The following CAB39 variants were observed in gnomAD, a reference collection of about 807,000 sequenced individuals.
CAB39 encodes the protein calcium binding protein 39.
Under a neutral mutation model 40.0 loss-of-function variants are expected in CAB39, and 8 were observed. The ratio of observed to expected loss-of-function variants is 0.20; its 90% confidence interval spans 0.12 to 0.36. The LOEUF (loss-of-function observed/expected upper bound fraction) is 0.36, where lower values mean the gene tolerates loss of function less well. CAB39 is among the 10% of genes least tolerant of loss of function. CAB39 has a pLI of 1.00. For synonymous variants in CAB39, 156 were observed against 141.6 expected, an observed-to-expected ratio of 1.10 and a Z score of -0.72; for missense variants, 270 against 401.1, an observed-to-expected ratio of 0.67 and a Z score of 2.79.
chr2:230,732,685 C>A (rs1464931634), intron 1 of CAB39, among the ~76,000 whole-genome samples: 1 of 152,030 alleles, frequency 6.6e-6, no homozygotes, highest in Non-Finnish European at 1.5e-5. Context: ...TAGATTCTTG[C>A]CGCTGGGGGA....
intron 2 of CAB39, among the ~76,000 whole-genome samples, chr2:230,787,477 A>G (rs1695813775): frequency 6.6e-6 from 1 of 152,238 alleles, no homozygotes; most frequent in South Asian, 2.1e-4. Context: ...ATGAGATTAA[A>G]TTAAATAGAA....
At chr2:230,724,346 G>A (rs537967098) in intron 1 of CAB39, among the ~76,000 whole-genome samples, 2 of 151,926 alleles carry the variant, frequency 1.3e-5, no homozygotes, top group East Asian at 3.9e-4. Flanking sequence ...CATAGCACAG[G>A]TATGTTTTAG....
chr2:230,782,813 C>CTTTTTTTTTTTTTTTTTTTTTTTTT (rs1212977897), intron 2 of CAB39, among the ~76,000 whole-genome samples: 3 of 81,764 alleles, frequency 3.7e-5, no homozygotes, highest in African/African-American at 1.9e-4. Flanking sequence ...TTCTTTCTTT[C>CTTTTTTTTTTTTTTTTTTTTTTTTT]TTTTTTTTTT....
At chr2:230,752,572 C>T (rs1490289593) in intron 1 of CAB39, among the ~76,000 whole-genome samples, 2 of 152,196 alleles carry the variant, frequency 1.3e-5, no homozygotes. Context: ...GCAGAGTCCT[C>T]ATGACCTAAA....
intron 2 of CAB39, among the ~76,000 whole-genome samples, chr2:230,777,013 T>C (rs1034077500): frequency 6.6e-6 from 1 of 152,150 alleles, no homozygotes; most frequent in Non-Finnish European, 1.5e-5. Context: ...AGTTTTACTT[T>C]ATTCTAACTA....
intron 2 of CAB39, among the ~76,000 whole-genome samples, chr2:230,767,705 A>C (rs916459277): frequency 2.0e-5 from 3 of 152,216 alleles, no homozygotes; most frequent in African/African-American, 7.2e-5. Context: ...AGAAGAATAA[A>C]TGCCAACTCC....
chr2:230,748,865 T>C (rs1276472080), intron 1 of CAB39, among the ~76,000 whole-genome samples: 1 of 117,676 alleles, frequency 8.5e-6, no homozygotes, highest in African/African-American at 3.0e-5. Context: ...TATATATATA[T>C]ATAACAAAAT....
intron 1 of CAB39, among the ~76,000 whole-genome samples, chr2:230,731,460 T>C (rs369951770): frequency 6.6e-6 from 1 of 152,200 alleles, no homozygotes; most frequent in Non-Finnish European, 1.5e-5. Flanking sequence ...ATTGTGGTGG[T>C]GATTGCTTAA....
chr2:230,790,230 G>A (rs377194977), intron 2 of CAB39, among the ~76,000 whole-genome samples: 8 of 148,780 alleles, frequency 5.4e-5, no homozygotes, highest in Non-Finnish European at 7.5e-5. Flanking sequence ...GCGACAGCAC[G>A]AGACCCTGTC....
intron 2 of CAB39, among the ~76,000 whole-genome samples, chr2:230,789,484 A>G (rs1255119816): frequency 6.6e-6 from 1 of 152,096 alleles, no homozygotes; most frequent in East Asian, 1.9e-4. Context: ...TTGGCCTAGG[A>G]TTAATTTTGT....
intron 5 of CAB39, among the ~76,000 whole-genome samples, chr2:230,801,415 G>A (rs1696087376): frequency 6.6e-6 from 1 of 152,168 alleles, no homozygotes; most frequent in Admixed American, 6.5e-5. Context: ...TGTTTGCAGA[G>A]CATATTCTTA....
intron 7 of CAB39, among the ~76,000 whole-genome samples, chr2:230,816,689 C>T (rs918796787): frequency 6.6e-6 from 1 of 152,248 alleles, no homozygotes; most frequent in Non-Finnish European, 1.5e-5. Context: ...AGCCCTCACT[C>T]ACTCACATCT....
chr2:230,739,450 T>C (rs970624012), intron 1 of CAB39, among the ~76,000 whole-genome samples: 1 of 152,230 alleles, frequency 6.6e-6, no homozygotes, highest in African/African-American at 2.4e-5. Flanking sequence ...AGTCATGTAT[T>C]ACAGATGTTT....
chr2:230,770,329 A>G (rs1695460164), intron 2 of CAB39, among the ~76,000 whole-genome samples: 1 of 152,320 alleles, frequency 6.6e-6, no homozygotes, highest in Non-Finnish European at 1.5e-5. Flanking sequence ...AATAGGGAAT[A>G]TATGAACAAC....
intron 4 of CAB39, among the ~76,000 whole-genome samples, chr2:230,794,884 A>G (rs946468645): frequency 6.6e-6 from 1 of 152,236 alleles, no homozygotes; most frequent in African/African-American, 2.4e-5. Flanking sequence ...AACACAGTAT[A>G]ACACAGTTAC....
At chr2:230,808,050 TTTTTTC>T (rs1696233680) in intron 5 of CAB39, among the ~76,000 whole-genome samples, 1 of 127,648 alleles carries the variant, frequency 7.8e-6, no homozygotes, top group South Asian at 2.1e-4. Flanking sequence ...GCCAGGCACT[TTTTTTC>T]TTTTCTTTTC....
intron 1 of CAB39, among the ~76,000 whole-genome samples, chr2:230,740,005 G>C (rs1174440084): frequency 6.6e-6 from 1 of 152,166 alleles, no homozygotes; most frequent in Non-Finnish European, 1.5e-5. Flanking sequence ...GGAAGGAGTA[G>C]GGCTAGGATA....
rs1221218791 is a variant in CAB39, at chr2:230,748,837, T to A, written c.-43-11122T>A. Among the ~76,000 whole-genome samples the A allele has an allele frequency of 1.0e-2, 574 of 57,464 alleles. 8 individuals are homozygous for A. The highest frequency in any genetic ancestry group is 0.052 in the African/African-American group (416 of 7,954). 37.7% of individuals were successfully genotyped at this position (57,464 alleles called of 152,430 possible). On this transcript the variant is annotated intron_variant, in intron 1 of 8. Transcript: ENST00000258418. Reference sequence around the variant, plus strand: ...AGAAAAAAAAAAAAAAAAAAATATATATATATATATATATATATATATATA... The same window carrying A: ...AGAAAAAAAAAAAAAAAAAAATATAAATATATATATATATATATATATATA...
intron 1 of CAB39, among the ~76,000 whole-genome samples, chr2:230,733,325 G>A (rs1694728517): frequency 6.6e-6 from 1 of 151,866 alleles, no homozygotes; most frequent in Non-Finnish European, 1.5e-5. Context: ...TTTTTTTGGT[G>A]TTAAAGATGT....
Sources: gnomAD v4.1 joint callset for allele counts (sites outside exome capture counted in the v4.1 genomes callset) on GRCh38, gnomAD v4.1.1 for gene constraint, MANE v1.5 for transcripts, NCBI Gene and HGNC (gene_info 2026-07-23, HGNC 2026-07-21) for gene names.